Variants in NPAS2 observed in about 807,000 individuals in gnomAD.
The protein encoded by NPAS2 is neuronal PAS domain protein 2, also known as neuronal PAS domain-containing protein 2.
In NPAS2, 23 loss-of-function variants were observed where a neutral mutation model predicts 107.5. The ratio of observed to expected loss-of-function variants is 0.21; its 90% CI spans 0.15 to 0.30. NPAS2 has a LOEUF of 0.30. NPAS2 is among the 10% of genes least tolerant of loss of function. The probability of loss-of-function intolerance (pLI) is 1.00; values close to 1 mark genes in which losing one functional copy is unlikely to be tolerated. For synonymous variants in NPAS2, 403 were observed against 417.5 expected (o/e 0.97, Z 0.42); for missense variants, 756 against 1,043.3 (o/e 0.72, Z 3.79).
intron 1 of NPAS2, among the ~76,000 whole-genome samples, chr2:100,822,047 G>C (rs1676102890): frequency 6.6e-6 from 1 of 152,162 alleles, no homozygotes; most frequent in Non-Finnish European, 1.5e-5. Flanking sequence ...TTGTAAATGC[G>C]CTGCTTTTAG....
intron 7 of NPAS2, among the ~76,000 whole-genome samples, chr2:100,959,570 T>C (rs1292416844): frequency 6.6e-6 from 1 of 152,216 alleles, no homozygotes; most frequent in Non-Finnish European, 1.5e-5. Flanking sequence ...TCCTCATGAA[T>C]GTGCAGAAAG....
intron 1 of NPAS2, among the ~76,000 whole-genome samples, chr2:100,897,456 G>A (rs941802734): frequency 2.6e-5 from 4 of 152,036 alleles, no homozygotes; most frequent in East Asian, 1.9e-4. Flanking sequence ...GTGCCTTCCC[G>A]TCTCACATAA....
At chr2:100,858,596 A>C (rs1678731951) in intron 1 of NPAS2, among the ~76,000 whole-genome samples, 1 of 152,176 alleles carries the variant, frequency 6.6e-6, no homozygotes, top group Non-Finnish European at 1.5e-5. Context: ...GGAGCAATTC[A>C]GAAGGTGGCG....
At chr2:100,864,958 T>C (rs1019429827) in intron 1 of NPAS2, among the ~76,000 whole-genome samples, 2 of 152,226 alleles carry the variant, frequency 1.3e-5, no homozygotes, top group East Asian at 3.8e-4. Context: ...TATAATTTAG[T>C]GAGAAGAGTA....
At chr2:100,914,152 C>G (rs1220089494) in intron 2 of NPAS2, among the ~76,000 whole-genome samples, 2 of 152,164 alleles carry the variant, frequency 1.3e-5, no homozygotes, top group Non-Finnish European at 2.9e-5. Context: ...TGGGAGAAAC[C>G]CAAGGGGTAT....
intron 1 of NPAS2, among the ~76,000 whole-genome samples, chr2:100,893,441 G>A (rs988259728): frequency 6.6e-6 from 1 of 152,204 alleles, no homozygotes; most frequent in Non-Finnish European, 1.5e-5. Context: ...GTATGGTGGG[G>A]AAGAGTGTTA....
chr2:100,878,780 C>T (rs959893696), intron 1 of NPAS2: 5 of 234,444 alleles, frequency 2.1e-5, no homozygotes, highest in African/African-American at 4.7e-5. Flanking sequence ...GGGTTTTAAA[C>T]GTTCACCGCT....
intron 1 of NPAS2, among the ~76,000 whole-genome samples, chr2:100,858,951 G>C (rs72627421): frequency 0.067 from 10,269 of 152,220 alleles, 725 homozygotes; most frequent in East Asian, 0.34. Context: ...AATATAAGTT[G>C]TTGGAGTAAA....
chr2:100,878,202 G>T (rs1397182368), intron 1 of NPAS2: 3 of 985,282 alleles, frequency 3.0e-6, no homozygotes, highest in African/African-American at 3.5e-5. Flanking sequence ...CAGTGGCCCT[G>T]GCTCCAGATG....
At chr2:100,950,861 T>C (rs2105060710) in intron 7 of NPAS2, among the ~76,000 whole-genome samples, 1 of 152,348 alleles carries the variant, frequency 6.6e-6, no homozygotes, top group African/African-American at 2.4e-5. Flanking sequence ...CCTACTCATC[T>C]GAAAGGCTTG....
intron 12 of NPAS2, among the ~76,000 whole-genome samples, chr2:100,973,170 C>A (rs1676712186): frequency 6.6e-6 from 1 of 151,348 alleles, no homozygotes; most frequent in African/African-American, 2.4e-5. Flanking sequence ...CAGAGCGAGA[C>A]TCCGTCTCAA....
chr2:100,839,546 T>C (rs1391920624), intron 1 of NPAS2, among the ~76,000 whole-genome samples: 1 of 152,184 alleles, frequency 6.6e-6, no homozygotes, highest in Non-Finnish European at 1.5e-5. Context: ...TTTAAGAATA[T>C]GGGGTATGAT....
intron 1 of NPAS2, among the ~76,000 whole-genome samples, chr2:100,865,741 T>C (rs1679210440): frequency 6.6e-6 from 1 of 152,124 alleles, no homozygotes; most frequent in Non-Finnish European, 1.5e-5. Context: ...TCCATTTAAC[T>C]TGGAAACTCA....
chr2:100,841,570 G>T (rs1287924283), intron 1 of NPAS2, among the ~76,000 whole-genome samples: 1 of 152,190 alleles, frequency 6.6e-6, no homozygotes, highest in Non-Finnish European at 1.5e-5. Context: ...CTGTGGGCCT[G>T]TGTAAAGTGG....
intron 1 of NPAS2, among the ~76,000 whole-genome samples, chr2:100,901,821 C>G (rs1018011470): frequency 1.3e-5 from 2 of 152,056 alleles, no homozygotes; most frequent in Admixed American, 1.3e-4. Flanking sequence ...AAAGAGCCCC[C>G]CTGTAAGTCA....
In NPAS2 at chr2:100,993,390, C is replaced by G; in HGVS notation, c.2155C>G (p.Pro719Ala). 1 of 1,609,814 alleles carries G rather than the reference C, an allele frequency of 6.2e-7. No homozygotes were observed. Among genetic ancestry groups the G allele is most frequent in the Non-Finnish European group, 8.5e-7 (1 of 1,176,940 alleles). ...CGTGTTTCAAAATCCAGACGCACAC[C>G]CCGCCAACAGCAGCAGCGCCCCGAT... The part of the protein sequence containing the change: ...QTVFQNPDAH[P>A]ANSSSAPMPV... Residue 719 changes from proline (P) to alanine (A), a missense_variant, in exon 20 of 21, where the codon CCC becomes GCC. By Grantham distance (27) the Pro-to-Ala change is conservative. Transcript: ENST00000335681.
At chr2:100,975,051 G>A (rs762672295) in intron 13 of NPAS2, 107 bp downstream of exon 13, 384 of 1,247,400 alleles carry the variant, frequency 3.1e-4, no homozygotes, top group Non-Finnish European at 3.7e-4. Flanking sequence ...CTGTGCCTCC[G>A]ACAGAGGTTG....
At chr2:100,900,244 G>A (rs1681685958) in intron 1 of NPAS2, among the ~76,000 whole-genome samples, 1 of 152,158 alleles carries the variant, frequency 6.6e-6, no homozygotes, top group Admixed American at 6.5e-5. Context: ...TCTATGATCA[G>A]TATGATGAAG....
intron 1 of NPAS2, among the ~76,000 whole-genome samples, chr2:100,864,970 C>A (rs1284329732): frequency 6.6e-6 from 1 of 152,106 alleles, no homozygotes; most frequent in African/African-American, 2.4e-5. Context: ...AGAAGAGTAG[C>A]ATTGTTTTAA....
Sources: gnomAD v4.1 joint callset for allele counts (sites outside exome capture counted in the v4.1 genomes callset) on GRCh38, gnomAD v4.1.1 for gene constraint, MANE v1.5 for transcripts, NCBI Gene and HGNC (gene_info 2026-07-23, HGNC 2026-07-21) for gene names.